MACROH2A1: variants seen among roughly 807,000 people sequenced by gnomAD.
The protein encoded by MACROH2A1 is macroH2A.1 histone, also known as core histone macro-H2A.1.
MACROH2A1 carries 2 observed loss-of-function variants against 31.6 expected under a neutral mutation model. That is an observed-to-expected ratio of 0.06 (90% CI 0.03 to 0.20). MACROH2A1 has a LOEUF of 0.20. Ranked by LOEUF, MACROH2A1 falls within the 10% of genes least tolerant of loss-of-function variation. The pLI, the probability that MACROH2A1 is intolerant of heterozygous loss-of-function variation, is 1.00. For synonymous variants in MACROH2A1, 169 were observed against 189.6 expected (o/e 0.89, Z 0.89); for missense variants, 230 against 474.0 (o/e 0.49, Z 4.78).
In MACROH2A1 at chr5:135,335,080, C is replaced by T. The variant is rs149823680; in HGVS notation, c.1015G>A (p.Val339Met). The change falls in exon 9 of 9, where the codon GTG becomes ATG. Residue 339 changes from valine (V) to methionine (M), a missense_variant. By Grantham distance (21) the Val-to-Met change is conservative (BLOSUM62 1). This residue lies in a region of MACROH2A1 where 183 missense variants were observed against 319.3 expected (regional missense o/e 0.57). Transcript: ENST00000511689. Reference sequence around the variant, plus strand: ...TTGATGGAAGAGGACATTGTAGACACGAAGTAACTGGAGATGGCCTTCAGA... The same window carrying T: ...TTGATGGAAGAGGACATTGTAGACATGAAGTAACTGGAGATGGCCTTCAGA... ...LILKAISSYF[V>M]STMSSSIKTV... is the part of the protein sequence containing the mutation. The T allele has an allele frequency of 9.4e-5, 152 of 1,613,336 alleles. No homozygotes were observed. The highest frequency in any genetic ancestry group is 1.3e-4 in the East Asian group (6 of 44,892).
chr5:135,382,480 G>A (rs192380133), intron 2 of MACROH2A1, among the ~76,000 whole-genome samples: 4 of 152,122 alleles, frequency 2.6e-5, no homozygotes, highest in Non-Finnish European at 5.9e-5. Flanking sequence ...GGCTTTACAA[G>A]CTTTACAAAA....
At chr5:135,338,304 C>T (rs1036422469) in intron 8 of MACROH2A1, among the ~76,000 whole-genome samples, 29 of 152,294 alleles carry the variant, frequency 1.9e-4, no homozygotes, top group African/African-American at 6.7e-4. Context: ...GAGTTGTGGT[C>T]CCACTTCGGT....
intron 2 of MACROH2A1, among the ~76,000 whole-genome samples, chr5:135,387,133 A>G (rs1198992728): frequency 1.3e-5 from 2 of 152,162 alleles, no homozygotes; most frequent in Non-Finnish European, 2.9e-5. Context: ...TTTCCTATCT[A>G]GCAACTTCTC....
At chr5:135,381,715 A>G (rs1430447753) in intron 2 of MACROH2A1, among the ~76,000 whole-genome samples, 3 of 152,272 alleles carry the variant, frequency 2.0e-5, no homozygotes, top group Non-Finnish European at 4.4e-5. Context: ...TGTTTAATAC[A>G]GCAGATTAGA....
chr5:135,386,445 T>G (rs1312664791), intron 2 of MACROH2A1, among the ~76,000 whole-genome samples: 2 of 152,244 alleles, frequency 1.3e-5, no homozygotes, highest in East Asian at 3.9e-4. Flanking sequence ...TGCTGTAAGG[T>G]CTTCATAAAA....
intron 2 of MACROH2A1, among the ~76,000 whole-genome samples, chr5:135,379,311 G>A (rs1765332388): frequency 1.3e-5 from 2 of 152,196 alleles, no homozygotes; most frequent in South Asian, 2.1e-4. Flanking sequence ...GAACCCACAT[G>A]TTCTAGCCAC....
intron 8 of MACROH2A1, among the ~76,000 whole-genome samples, chr5:135,336,117 C>T (rs985277830): frequency 1.9e-4 from 29 of 152,320 alleles, no homozygotes; most frequent in Admixed American, 8.5e-4. Flanking sequence ...TGGGCCAACC[C>T]GCCTATTTCA....
intron 1 of MACROH2A1, among the ~76,000 whole-genome samples, chr5:135,397,608 G>T (rs935499038): frequency 6.6e-6 from 1 of 152,178 alleles, no homozygotes; most frequent in African/African-American, 2.4e-5. Flanking sequence ...CAAGAGTTTT[G>T]TTGTGTTTAA....
intron 6 of MACROH2A1, chr5:135,350,866 G>A: frequency 6.2e-7 from 1 of 1,613,310 alleles, no homozygotes; most frequent in Non-Finnish European, 8.5e-7. Context: ...TCGGGTGAAC[G>A]ACAGCATCAC....
chr5:135,364,579 C>A (rs954851605), intron 4 of MACROH2A1, among the ~76,000 whole-genome samples: 4 of 152,158 alleles, frequency 2.6e-5, no homozygotes, highest in African/African-American at 9.7e-5. Context: ...CCATAAATTT[C>A]CATGTATTGG....
chr5:135,369,616 C>T lies in MACROH2A1; in HGVS notation c.280-13G>A. 1 of 1,605,944 alleles carries T rather than the reference C, an allele frequency of 6.2e-7. No homozygotes were observed. The highest frequency in any genetic ancestry group is 8.5e-7 in the Non-Finnish European group (1 of 1,173,296). ...CTCCTTTTAGCAGCTTTCAGGAAAACCAGAATAGCAGATAGTGAGCCAGAT... is the reference window on the plus strand; with the variant it reads ...CTCCTTTTAGCAGCTTTCAGGAAAATCAGAATAGCAGATAGTGAGCCAGAT... On this transcript the variant is annotated splice_polypyrimidine_tract_variant and intron_variant, in intron 3 of 8. Transcript: ENST00000511689. This position sits in a 1 kb window ranked among gnomAD's most constrained non-coding sequence, Gnocchi z 4.3.
chr5:135,349,175 C>G (rs997657847), intron 6 of MACROH2A1, among the ~76,000 whole-genome samples: 2 of 152,200 alleles, frequency 1.3e-5, no homozygotes, highest in African/African-American at 4.8e-5. Flanking sequence ...ATACTTTTGC[C>G]TGGAAAGTTT....
At chr5:135,339,122 T>C (rs982166799) in intron 8 of MACROH2A1, among the ~76,000 whole-genome samples, 1 of 152,186 alleles carries the variant, frequency 6.6e-6, no homozygotes, top group Admixed American at 6.5e-5. Context: ...TCCTACACCA[T>C]AGGGCTAGGA....
chr5:135,348,661 T>C (rs779894947), intron 6 of MACROH2A1, among the ~76,000 whole-genome samples: 3 of 152,222 alleles, frequency 2.0e-5, no homozygotes, highest in Non-Finnish European at 4.4e-5. Flanking sequence ...TGGTTTATCA[T>C]TGGGATTGTA....
At chr5:135,350,399 T>C (rs1581175915) in intron 6 of MACROH2A1, among the ~76,000 whole-genome samples, 1 of 151,376 alleles carries the variant, frequency 6.6e-6, no homozygotes, top group Non-Finnish European at 1.5e-5. Context: ...TTGGCGGGGG[T>C]CAGGGGAGTG....
At chr5:135,347,147 C>T (rs560794519) in intron 6 of MACROH2A1, 2 of 152,310 alleles carry the variant, frequency 1.3e-5, no homozygotes, top group African/African-American at 2.4e-5. Context: ...CAAGGTGCAT[C>T]GGAATGCACC....
At chr5:135,365,787 C>T (rs1394539941) in intron 4 of MACROH2A1, among the ~76,000 whole-genome samples, 2 of 152,208 alleles carry the variant, frequency 1.3e-5, no homozygotes. Flanking sequence ...TTATCCTATA[C>T]ATTTACTTGC....
chr5:135,346,080 C>T, intron 6 of MACROH2A1, 23 bp from the exon 7 acceptor site: 1 of 1,517,730 alleles, frequency 6.6e-7, no homozygotes, highest in Non-Finnish European at 9.2e-7. Flanking sequence ...AGGGTGGGGT[C>T]AGGTTGCCAT....
At chr5:135,347,494 C>T (rs888777246) in intron 6 of MACROH2A1, 1 of 152,186 alleles carries the variant, frequency 6.6e-6, no homozygotes, top group Non-Finnish European at 1.5e-5. Context: ...TCAGACTGCC[C>T]TCCTGCCTCT....
Sources: allele counts gnomAD v4.1 joint callset (sites outside exome capture counted in the v4.1 genomes callset), GRCh38; gene constraint gnomAD v4.1.1; regional missense constraint gnomAD v4.1.1; non-coding constraint Gnocchi (gnomAD v3.1); transcripts MANE v1.5; gene names NCBI Gene and HGNC (gene_info 2026-07-23, HGNC 2026-07-21).